The following ZNF638 variants were observed in gnomAD, a reference collection of about 807,000 sequenced individuals.
ZNF638 encodes zinc finger protein 638, also known as CTCL tumor antigen se33-1.
A neutral mutation model predicts 195.6 loss-of-function variants in ZNF638; 46 were observed. The observed-to-expected ratio is 0.24, with a 90% CI of 0.19 to 0.30. The LOEUF (loss-of-function observed/expected upper bound fraction) is 0.30. ZNF638 is among the 10% of genes least tolerant of loss of function. ZNF638 has a pLI of 1.00. For missense variants in ZNF638, 2,440 were observed against 2,325.3 expected (o/e 1.05, Z -1.01); for synonymous variants, 845 against 772.0 (o/e 1.09, Z -1.57).
chr2:71,413,998 G>A (rs936618811), intron 20 of ZNF638, among the ~76,000 whole-genome samples: 6 of 95,764 alleles, frequency 6.3e-5, no homozygotes, highest in Non-Finnish European at 1.2e-4. Flanking sequence ...CTCATAAAAT[G>A]AGTTAGGGAG....
intron 2 of ZNF638, among the ~76,000 whole-genome samples, chr2:71,355,337 C>T (rs2079007526): frequency 6.6e-6 from 1 of 152,142 alleles, no homozygotes; most frequent in African/African-American, 2.4e-5. Flanking sequence ...GATGCTGTTT[C>T]ACAGATACCG....
At chr2:71,335,962 C>G (rs928466769) in intron 1 of ZNF638, among the ~76,000 whole-genome samples, 8 of 152,162 alleles carry the variant, frequency 5.3e-5, no homozygotes, top group African/African-American at 1.9e-4. Context: ...ATAAACTCCC[C>G]ACCTACCTTT....
intron 2 of ZNF638, among the ~76,000 whole-genome samples, chr2:71,354,691 C>T (rs142672280): frequency 6.7e-6 from 1 of 149,496 alleles, no homozygotes; most frequent in Non-Finnish European, 1.5e-5. Context: ...GATCCGAGAT[C>T]GCCTCATTGC....
At chr2:71,426,318 A>C in intron 23 of ZNF638, 142 bp from the exon 24 acceptor site, 1 of 615,774 alleles carries the variant, frequency 1.6e-6, no homozygotes, top group Non-Finnish European at 2.7e-6. Flanking sequence ...AAAAAAAACA[A>C]CTCTTAATTT....
intron 19 of ZNF638, 25 bp from the exon 20 acceptor site, chr2:71,408,097 C>A (rs1328014971): frequency 3.1e-6 from 5 of 1,596,496 alleles, no homozygotes; most frequent in African/African-American, 1.4e-5. Flanking sequence ...AAGAACTATT[C>A]ATAACTTTTT....
chr2:71,363,860 C>CA (rs2079150643), intron 4 of ZNF638, 94 bp from the exon 5 acceptor site: 2 of 1,399,052 alleles, frequency 1.4e-6, no homozygotes. Flanking sequence ...GTATTGTTAA[C>CA]AGTCTGTTTT....
At chr2:71,397,942 A>C (rs560292615) in intron 11 of ZNF638, among the ~76,000 whole-genome samples, 6 of 152,342 alleles carry the variant, frequency 3.9e-5, no homozygotes, top group African/African-American at 1.4e-4. Context: ...CCTGACTATG[A>C]TATAAGTATT....
chr2:71,419,954 T>C (rs2080390009), intron 21 of ZNF638, among the ~76,000 whole-genome samples: 1 of 110,540 alleles, frequency 9.0e-6, no homozygotes, highest in Admixed American at 1.1e-4. Flanking sequence ...AAAAACTTCT[T>C]AATTCCCACC....
chr2:71,409,742 G>T (rs1173954373), intron 20 of ZNF638, among the ~76,000 whole-genome samples: 1 of 152,150 alleles, frequency 6.6e-6, no homozygotes, highest in Non-Finnish European at 1.5e-5. Flanking sequence ...GTTGAATGGA[G>T]TCTCCTTTCA....
chr2:71,407,949 C>T, intron 19 of ZNF638, 173 bp from the exon 20 acceptor site: 1 of 540,544 alleles, frequency 1.8e-6, no homozygotes, highest in Non-Finnish European at 3.1e-6. Context: ...TTGCTTCTCC[C>T]TTTGTCTGTT....
intron 3 of ZNF638, among the ~76,000 whole-genome samples, chr2:71,358,776 C>T (rs2079063459): frequency 6.6e-6 from 1 of 152,142 alleles, no homozygotes; most frequent in African/African-American, 2.4e-5. Context: ...CTGGGTCAGT[C>T]AGGACTCTTT....
At chr2:71,363,388 G>T (rs2542510) in intron 4 of ZNF638, among the ~76,000 whole-genome samples, 197 bp downstream of exon 4, 24,329 of 152,070 alleles carry the variant, frequency 0.16, 2,456 homozygotes, top group East Asian at 0.57. Flanking sequence ...TCTTTAGCCT[G>T]TTCTGAAAAT....
At chr2:71,401,104 G>A (rs1244997689) in intron 15 of ZNF638, among the ~76,000 whole-genome samples, 1 of 152,136 alleles carries the variant, frequency 6.6e-6, no homozygotes, top group Admixed American at 6.5e-5. Flanking sequence ...TAGTAACTAA[G>A]TAGTAAGTCT....
At chr2:71,378,285 T>C (rs2079471704) in intron 8 of ZNF638, among the ~76,000 whole-genome samples, 2 of 152,196 alleles carry the variant, frequency 1.3e-5, no homozygotes, top group Non-Finnish European at 2.9e-5. Flanking sequence ...CATCGGAACA[T>C]AGTAGTTTCA....
chr2:71,433,892 A>G (rs149012108), intron 27 of ZNF638, among the ~76,000 whole-genome samples: 10 of 152,330 alleles, frequency 6.6e-5, no homozygotes, highest in African/African-American at 1.9e-4. Context: ...TATTATTCCA[A>G]TCTTAAAGAT....
chr2:71,362,261 T>C (rs1354814515), intron 3 of ZNF638, among the ~76,000 whole-genome samples: 1 of 152,160 alleles, frequency 6.6e-6, no homozygotes, highest in Non-Finnish European at 1.5e-5. Context: ...TCGGCTCTCT[T>C]TTTTCCTATA....
chr2:71,422,870 G>C lies in ZNF638; in HGVS notation c.3356G>C (p.Ser1119Thr). Residue 1119 changes from serine (S) to threonine (T), a missense_variant, in exon 22 of 28, where the codon AGT becomes ACT. By Grantham distance (58) the Ser-to-Thr change is moderately conservative. Around this residue, in one of 5 missense-constraint regions of ZNF638, gnomAD observed 1,883 missense variants for 1,739.1 expected, o/e 1.08. Coordinates refer to ENST00000264447, the MANE Select transcript of ZNF638 (RefSeq NM_014497.5). ...DESEVQTATD[S>T]PSVKPNELEE... ...AGTGAGGTGCAAACAGCAACTGATA[G>C]TCCCTCTGTTAAACCTAATGAGCTT... The C allele has an allele frequency of 1.2e-6, 2 of 1,614,018 alleles. No homozygotes were observed. The highest frequency in any genetic ancestry group is 2.2e-5 in the South Asian group (2 of 91,074).
intron 23 of ZNF638, among the ~76,000 whole-genome samples, chr2:71,426,212 T>C (rs887577951): frequency 1.3e-5 from 2 of 152,208 alleles, no homozygotes; most frequent in Non-Finnish European, 2.9e-5. Flanking sequence ...TGTAATCTTA[T>C]TGAATTTAAG....
chr2:71,356,317 G>A (rs2079021974), intron 3 of ZNF638, among the ~76,000 whole-genome samples: 1 of 152,088 alleles, frequency 6.6e-6, no homozygotes, highest in African/African-American at 2.4e-5. Context: ...TTTCCCTACT[G>A]GCCATAGAGG....
Sources: gnomAD v4.1 joint callset for allele counts (sites outside exome capture counted in the v4.1 genomes callset) on GRCh38, gnomAD v4.1.1 for gene constraint, gnomAD v4.1.1 regional missense constraint, MANE v1.5 for transcripts, NCBI Gene and HGNC (gene_info 2026-07-23, HGNC 2026-07-21) for gene names.